Variants in APPL2 observed in about 807,000 individuals in gnomAD.
APPL2 encodes DCC-interacting protein 13-beta.
APPL2 carries 84 observed loss-of-function variants against 92.7 expected under a neutral mutation model. That is an observed-to-expected ratio of 0.91 (90% CI 0.76 to 1.09). The LOEUF (loss-of-function observed/expected upper bound fraction) is 1.09. Ranked by LOEUF, APPL2 falls within the 50% of genes least tolerant of loss-of-function variation. The pLI is 0.00. For synonymous variants in APPL2, 291 were observed against 291.0 expected (o/e 1.00, Z 0.00); for missense variants, 736 against 824.5 (o/e 0.89, Z 1.31).
At chr12:105,186,808 C>G (rs748482310) in intron 17 of APPL2, among the ~76,000 whole-genome samples, 1 of 151,090 alleles carries the variant, frequency 6.6e-6, no homozygotes, top group Non-Finnish European at 1.5e-5. Context: ...TGACATATCT[C>G]ATTGTGGATT....
chr12:105,228,898 G>A (rs1003597430), intron 2 of APPL2, among the ~76,000 whole-genome samples: 2 of 151,376 alleles, frequency 1.3e-5, no homozygotes, highest in African/African-American at 4.8e-5. Context: ...GAGCAGTTAT[G>A]TGGCCCATCT....
chr12:105,230,759 T>C (rs1890862827), intron 1 of APPL2, among the ~76,000 whole-genome samples: 1 of 152,234 alleles, frequency 6.6e-6, no homozygotes, highest in South Asian at 2.1e-4. Context: ...AATGCATGCT[T>C]ATCCCGCTTT....
Position 105,211,336 on chromosome 12 carries a change from T to C in APPL2, c.286-19A>G, listed in dbSNP as rs1455756805. ...GATTAAGCTGAAAGAAAGAGAATGGTATTCAAGTAAATTAAATACATTATT... is the reference window on the plus strand; with the variant it reads ...GATTAAGCTGAAAGAAAGAGAATGGCATTCAAGTAAATTAAATACATTATT... On this transcript the variant is annotated intron_variant, in intron 4 of 20. Coordinates refer to ENST00000258530, the MANE Select transcript of APPL2 (RefSeq NM_018171.5). 2 of 1,541,604 alleles carry C rather than the reference T, an allele frequency of 1.3e-6. No individual in the cohort carries two copies. The highest frequency in any genetic ancestry group is 1.8e-6 in the Non-Finnish European group (2 of 1,114,882).
At chr12:105,209,381 A>G (rs1387235433) in intron 5 of APPL2, among the ~76,000 whole-genome samples, 5 of 152,132 alleles carry the variant, frequency 3.3e-5, no homozygotes, top group Non-Finnish European at 5.9e-5. Flanking sequence ...CCTTCTTACT[A>G]CTAACGAGCA....
At chr12:105,217,450 G>A (rs1004150508) in intron 3 of APPL2, among the ~76,000 whole-genome samples, 7 of 152,190 alleles carry the variant, frequency 4.6e-5, no homozygotes, top group Admixed American at 3.9e-4. Context: ...AACCCTCAAT[G>A]GCAGTTAATT....
At chr12:105,186,690 A>C (rs1592765161) in intron 17 of APPL2, among the ~76,000 whole-genome samples, 1 of 62,994 alleles carries the variant, frequency 1.6e-5, no homozygotes, top group Non-Finnish European at 3.1e-5. Flanking sequence ...TCATATATAT[A>C]TCATATATCA....
intron 17 of APPL2, among the ~76,000 whole-genome samples, chr12:105,185,197 G>A (rs376731030): frequency 3.3e-5 from 5 of 152,166 alleles, no homozygotes; most frequent in East Asian, 1.9e-4. Context: ...GTTGGGCTCC[G>A]TGGTGATGGG....
At chr12:105,179,689 T>A (rs909848510) in intron 17 of APPL2, among the ~76,000 whole-genome samples, 2 of 152,244 alleles carry the variant, frequency 1.3e-5, no homozygotes, top group African/African-American at 4.8e-5. Context: ...TGGTGTGAGA[T>A]GGTATCTCAT....
chr12:105,175,541 C>T (rs1405593192), intron 20 of APPL2, among the ~76,000 whole-genome samples: 1 of 152,216 alleles, frequency 6.6e-6, no homozygotes. Context: ...TAGAAGCCCC[C>T]TGGGGGCAGG....
chr12:105,188,485 T>C (rs1470101367), intron 16 of APPL2, 38 bp from the exon 17 acceptor site: 1 of 1,606,154 alleles, frequency 6.2e-7, no homozygotes, highest in Non-Finnish European at 8.5e-7. Flanking sequence ...TCTCATTTAC[T>C]TCCTGCTGCT....
chr12:105,195,340 T>TC lies in APPL2; in HGVS notation c.1161dup (p.Ile388AspfsTer38). 6.2e-7 allele frequency: 1 copy of TC among 1,614,164 alleles called. No individual in the cohort carries two copies. Among genetic ancestry groups the TC allele is most frequent in the Non-Finnish European group, 8.5e-7 (1 of 1,180,006 alleles). On this transcript the variant is annotated frameshift_variant, in exon 14 of 21. Coordinates refer to ENST00000258530, the MANE Select transcript of APPL2 (RefSeq NM_018171.5). LOFTEE classifies it high-confidence loss of function. The stretch of plus-strand genomic sequence containing the variant: ...TGCAGAGCGGTCTGATTCAACTTGA[T>TC]CGCGACTGCCTAAAAATCCACAGGA...
At chr12:105,215,983 C>A (rs752931834) in intron 4 of APPL2, among the ~76,000 whole-genome samples, 18 of 152,022 alleles carry the variant, frequency 1.2e-4, no homozygotes, top group Non-Finnish European at 7.4e-5. Context: ...GCCGAGATTG[C>A]GCCACTGCAC....
Position 105,234,008 on chromosome 12 carries a change from C to A in APPL2, c.54+1951G>T, listed in dbSNP as rs190981574. On this transcript the variant is annotated intron_variant, in intron 1 of 20. Coordinates refer to ENST00000258530, the MANE Select transcript of APPL2 (RefSeq NM_018171.5). ...GAGTAAAGCTACATTAGGCACAGGTCACATACAAGAGAGTAGTATATAAAT... is the reference window on the plus strand; with the variant it reads ...GAGTAAAGCTACATTAGGCACAGGTAACATACAAGAGAGTAGTATATAAAT... 1.5e-4 allele frequency among the ~76,000 whole-genome samples: 23 copies of A among 152,214 alleles called. 2 individuals carry two copies. The highest frequency in any genetic ancestry group is 2.6e-4 in the Admixed American group (4 of 15,286).
chr12:105,184,447 G>A (rs1886404496), intron 17 of APPL2, among the ~76,000 whole-genome samples: 1 of 152,154 alleles, frequency 6.6e-6, no homozygotes, highest in Admixed American at 6.5e-5. Flanking sequence ...GGGTTTTTGT[G>A]TAGTCATCCT....
chr12:105,225,988 C>G (rs1368218831), intron 2 of APPL2, among the ~76,000 whole-genome samples: 1 of 152,134 alleles, frequency 6.6e-6, no homozygotes, highest in Non-Finnish European at 1.5e-5. Flanking sequence ...TAATGAAAAA[C>G]TGTATCTTGC....
chr12:105,176,107 A>T (rs1885519281), intron 19 of APPL2, 25 bp from the exon 20 acceptor site: 11 of 1,584,428 alleles, frequency 6.9e-6, no homozygotes, highest in Non-Finnish European at 9.5e-6. Context: ...AAAAGTAGTG[A>T]TTGGCAAAAG....
chr12:105,209,272 T>C (rs1407015632), intron 5 of APPL2, among the ~76,000 whole-genome samples: 1 of 152,200 alleles, frequency 6.6e-6, no homozygotes, highest in Non-Finnish European at 1.5e-5. Flanking sequence ...TTTGGTCTGA[T>C]GTTGACTCAG....
intron 2 of APPL2, among the ~76,000 whole-genome samples, chr12:105,218,707 A>G (rs1160617006): frequency 6.6e-6 from 1 of 152,236 alleles, no homozygotes; most frequent in Non-Finnish European, 1.5e-5. Context: ...ACATACTGGA[A>G]GCACAGTGGG....
intron 4 of APPL2, among the ~76,000 whole-genome samples, chr12:105,212,523 C>T (rs1889310440): frequency 1.3e-5 from 2 of 152,198 alleles, no homozygotes; most frequent in South Asian, 4.1e-4. Flanking sequence ...CTGGTGAGAT[C>T]TAAGATTCGT....
Sources: gnomAD v4.1 joint callset for allele counts (sites outside exome capture counted in the v4.1 genomes callset) on GRCh38, gnomAD v4.1.1 for gene constraint, MANE v1.5 for transcripts, NCBI Gene and HGNC (gene_info 2026-07-23, HGNC 2026-07-21) for gene names.